The following HLTF variants were observed in gnomAD, a reference collection of about 807,000 sequenced individuals.
The protein encoded by HLTF is helicase like transcription factor, also known as DNA-dependent ATPase/E3 ubiquitin-protein ligase HLTF.
A neutral mutation model predicts 129.4 loss-of-function variants in HLTF; 127 were observed. The observed-to-expected ratio is 0.98, with a 90% confidence interval of 0.85 to 1.14. HLTF has a LOEUF of 1.14. HLTF is among the 50% of genes most tolerant of loss of function. HLTF has a pLI of 0.00. For missense variants in HLTF, 1,139 were observed against 1,187.1 expected, an observed-to-expected ratio of 0.96 and a Z score of 0.60; for synonymous variants, 332 against 388.8, an observed-to-expected ratio of 0.85 and a Z score of 1.72.
chr3:149,064,819 G>A lies in HLTF; in HGVS notation c.1038C>T (p.Thr346=). The change falls in exon 9 of 25, where the codon ACC becomes ACT. Residue 346 remains threonine, a synonymous_variant. Transcript: ENST00000310053. ...DDSMKLGGNN[T]SEKADGLSKD... ...TGCTTAGTCCATCTGCCTTTTCACT[G>A]GTATTGTTTCCTCCAAGTTTCATAG... 1 of 1,599,610 alleles carries A rather than the reference G, an allele frequency of 6.3e-7. No homozygotes were observed. Among genetic ancestry groups the A allele is most frequent in the Non-Finnish European group, 8.6e-7 (1 of 1,167,612 alleles).
At chr3:149,085,630 G>A (rs1377317125) in intron 1 of HLTF, among the ~76,000 whole-genome samples, 1 of 152,138 alleles carries the variant, frequency 6.6e-6, no homozygotes, top group African/African-American at 2.4e-5. Context: ...ATCCATCACT[G>A]TAACTCCCTG....
intron 18 of HLTF, 100 bp downstream of exon 18, chr3:149,045,980 T>C: frequency 1.3e-6 from 1 of 781,168 alleles, no homozygotes; most frequent in East Asian, 2.8e-5. Flanking sequence ...TCTTTCAGTA[T>C]ACTTCAAACT....
At chr3:149,035,686 G>C (rs1559852341) in intron 23 of HLTF, among the ~76,000 whole-genome samples, 1 of 86,394 alleles carries the variant, frequency 1.2e-5, no homozygotes, top group African/African-American at 3.3e-5. Flanking sequence ...AAAAAAAAGG[G>C]GGTTTTAAGA....
chr3:149,055,847 G>A (rs1289062161), intron 13 of HLTF, among the ~76,000 whole-genome samples: 1 of 152,186 alleles, frequency 6.6e-6, no homozygotes, highest in Non-Finnish European at 1.5e-5. Flanking sequence ...AGAGAAGATA[G>A]TATGTCACTT....
At position 149,084,994 on chromosome 3, in the gene HLTF, T is replaced by C. The variant is rs537533640; in HGVS notation, c.21-105A>G. On this transcript the variant is annotated intron_variant, in intron 1 of 24. Transcript: ENST00000310053. ...TTACTTCAGCAAATGAAATCTTACATGGGAATCACGGTAAAGATTAATAGT... is the reference window on the plus strand; with the variant it reads ...TTACTTCAGCAAATGAAATCTTACACGGGAATCACGGTAAAGATTAATAGT... The C allele has an allele frequency of 3.9e-6, 3 of 773,522 alleles. No individual in the cohort carries two copies. In the East Asian group the frequency reaches 8.0e-5, roughly 21 times the overall value. The allele number at this position is 773,522 out of a possible 1,614,324, so 47.9% of individuals were successfully genotyped here.
At chr3:149,034,140 T>A (rs1028964563) in intron 24 of HLTF, among the ~76,000 whole-genome samples, 2 of 152,164 alleles carry the variant, frequency 1.3e-5, no homozygotes, top group Non-Finnish European at 2.9e-5. Flanking sequence ...AACAGCACTT[T>A]TTTGGCCACA....
In HLTF at chr3:149,072,373, C is replaced by T. The variant is rs556743385; in HGVS notation, c.628-716G>A. Reference sequence around the variant, plus strand: ...CTTCTGCCATTAAAATTCTGTGATGCTATCAGTTGTATTCAAAATATTTTC... The same window carrying T: ...CTTCTGCCATTAAAATTCTGTGATGTTATCAGTTGTATTCAAAATATTTTC... On this transcript the variant is annotated intron_variant, in intron 5 of 24. Coordinates refer to ENST00000310053, the MANE Select transcript of HLTF (RefSeq NM_003071.4). Among the ~76,000 whole-genome samples the T allele has an allele frequency of 6.6e-5, 10 of 152,278 alleles. 2 individuals are homozygous for T. The highest frequency in any genetic ancestry group is 6.2e-4 in the South Asian group (3 of 4,824).
In HLTF at chr3:149,073,329, T is replaced by C. The variant is rs1719034035; in HGVS notation, c.530-7A>G. 6 of 1,580,536 alleles carry C rather than the reference T, an allele frequency of 3.8e-6. No individual in the cohort carries two copies. The highest frequency in any genetic ancestry group is 5.2e-6 in the Non-Finnish European group (6 of 1,154,666). On this transcript the variant is annotated splice_polypyrimidine_tract_variant and splice_region_variant and intron_variant, in intron 4 of 24. Coordinates refer to ENST00000310053, the MANE Select transcript of HLTF (RefSeq NM_003071.4). ...TCCAAATTGAATCCTAAAGCTATAA[T>C]TTACAAAATAAAAAGAATAAAGCCA...
chr3:149,038,525 C>T (rs1374474592), intron 23 of HLTF, among the ~76,000 whole-genome samples: 3 of 151,756 alleles, frequency 2.0e-5, no homozygotes, highest in African/African-American at 2.4e-5. Context: ...CTTTCAGAGA[C>T]GGGTTCTTGC....
intron 22 of HLTF, 75 bp from the exon 23 acceptor site, chr3:149,039,304 A>G: frequency 9.4e-7 from 1 of 1,063,962 alleles, no homozygotes; most frequent in Non-Finnish European, 1.3e-6. Context: ...GTAACTACAA[A>G]TCTCTTCAAT....
In HLTF at chr3:149,071,572, T is replaced by G. The variant is rs765094486; in HGVS notation, c.702+11A>C. On this transcript the variant is annotated intron_variant, in intron 6 of 24. Transcript: ENST00000310053. ...CTGAGTAGTCTTAAATAAAAAATAT[T>G]GGTTCAATACCTCAGCTGGTTCCAT... 1 of 1,560,700 alleles carries G rather than the reference T, an allele frequency of 6.4e-7. No individual in the cohort carries two copies. The highest frequency in any genetic ancestry group is 1.1e-5 in the South Asian group (1 of 87,644).
At position 149,071,243 on chromosome 3, in the gene HLTF, A is replaced by C; in HGVS notation, c.894+9T>G. 6.7e-7 allele frequency: 1 copy of C among 1,501,558 alleles called. No homozygotes were observed. The highest frequency in any genetic ancestry group is 9.0e-7 in the Non-Finnish European group (1 of 1,114,712). The allele number at this position is 1,501,558 out of a possible 1,614,324, so 93.0% of individuals were successfully genotyped here. A position where few individuals can be genotyped will look rare whatever the true frequency, so the allele number is the denominator to read the frequency against. On this transcript the variant is annotated intron_variant, in intron 7 of 24. Transcript: ENST00000310053. Reference sequence around the variant, plus strand: ...TTAGATTTTATTAACTAAAGAAAAAAATAATTACCAAACCCATATCATCAG... The same window carrying C: ...TTAGATTTTATTAACTAAAGAAAAACATAATTACCAAACCCATATCATCAG...
chr3:149,040,090 C>G lies in HLTF; in HGVS notation c.2443G>C (p.Glu815Gln), dbSNP rs1017867093. 1.2e-6 allele frequency: 2 copies of G among 1,610,936 alleles called. No individual in the cohort carries two copies. Among genetic ancestry groups the G allele is most frequent in the Non-Finnish European group, 1.7e-6 (2 of 1,178,598 alleles). ...HEDNLLECPP[E>Q]ELARDSEKKS... ...TTCTCACTGTCACGTGCTAATTCTT[C>G]TGGAGGACATTCTAATAAATTATCT... is the stretch of plus-strand genomic sequence containing the variant. The change falls in exon 21 of 25, where the codon GAA becomes CAA. Residue 815 changes from glutamate (E) to glutamine (Q), a missense_variant. Glu to Gln is a conservative substitution (Grantham distance 29). Transcript: ENST00000310053.
At chr3:149,042,048 G>T in intron 19 of HLTF, 118 bp downstream of exon 19, 1 of 857,104 alleles carries the variant, frequency 1.2e-6, no homozygotes, top group Non-Finnish European at 1.9e-6. Context: ...CACACTAAAA[G>T]CAATCTCCAT....
At chr3:149,081,701 T>C (rs1392989138) in intron 2 of HLTF, among the ~76,000 whole-genome samples, 1 of 152,084 alleles carries the variant, frequency 6.6e-6, no homozygotes, top group Non-Finnish European at 1.5e-5. Context: ...ATTAAAAAAA[T>C]GGCACATTTT....
rs190659860 is a variant in HLTF, at chr3:149,057,456, G to A, written c.1376-2056C>T. ...AAACAAACAAACAAACAAAAAAACAGTATCTGCTGATTGCAAAACTCATGT... is the reference window on the plus strand; with the variant it reads ...AAACAAACAAACAAACAAAAAAACAATATCTGCTGATTGCAAAACTCATGT... On this transcript the variant is annotated intron_variant, in intron 13 of 24. Coordinates refer to ENST00000310053, the MANE Select transcript of HLTF (RefSeq NM_003071.4). 4.3e-4 allele frequency among the ~76,000 whole-genome samples: 66 copies of A among 151,924 alleles called. No homozygotes were observed. In the East Asian group the frequency reaches 0.012, roughly 28 times the overall value.
rs1427498449 is a variant in HLTF, at chr3:149,030,349, TTTAAAA to T, written c.*1865_*1870del. On this transcript the variant is annotated 3_prime_UTR_variant, in exon 25 of 25. Transcript: ENST00000310053. ...CAAATTAAATTTTTTAAATTAAACT[TTTAAAA>T]TATAACAACATCTAACAGAACTGTA... The T allele has an allele frequency of 6.6e-6, 1 of 152,170 alleles. No individual in the cohort carries two copies. The highest frequency in any genetic ancestry group is 1.5e-5 in the Non-Finnish European group (1 of 68,018). 9.4% of individuals were successfully genotyped at this position (152,170 alleles called of 1,614,324 possible).
At chr3:149,047,741 C>T (rs1469254417) in intron 17 of HLTF, among the ~76,000 whole-genome samples, 1 of 152,128 alleles carries the variant, frequency 6.6e-6, no homozygotes, top group East Asian at 1.9e-4. Flanking sequence ...CCTGCTAAAT[C>T]TGTTAATGCT....
chr3:149,067,553 A>G (rs1488290928), intron 8 of HLTF, among the ~76,000 whole-genome samples: 3 of 152,044 alleles, frequency 2.0e-5, no homozygotes, highest in Non-Finnish European at 4.4e-5. Context: ...CTGAAGGTGG[A>G]GTGCAATAGT....
Sources: gnomAD v4.1 joint callset for allele counts (sites outside exome capture counted in the v4.1 genomes callset) on GRCh38, gnomAD v4.1.1 for gene constraint, MANE v1.5 for transcripts, NCBI Gene and HGNC (gene_info 2026-07-23, HGNC 2026-07-21) for gene names.